Variants in UBE2O observed in about 807,000 individuals in gnomAD.
UBE2O encodes the protein (E3-independent) E2 ubiquitin-conjugating enzyme.
In UBE2O, 15 loss-of-function variants were observed where a neutral mutation model predicts 125.8. That is an observed-to-expected ratio of 0.12 (90% CI 0.08 to 0.18). The LOEUF (loss-of-function observed/expected upper bound fraction) is 0.18, where lower values mean the gene tolerates loss of function less well. UBE2O is among the 10% of genes least tolerant of loss of function. The pLI is 1.00. For missense variants in UBE2O, 1,280 were observed against 1,723.6 expected, an observed-to-expected ratio of 0.74 and a Z score of 4.56; for synonymous variants, 708 against 703.2, an observed-to-expected ratio of 1.01 and a Z score of -0.11.
chr17:76,402,532 CCCT>C lies in UBE2O; in HGVS notation c.686+67_686+69del, dbSNP rs1370317325. ...TCATCACTGTCCCCAGGAGGAAACACCCTCCTCCTCCCCTCTTTCCAAGAGGCT... is the reference window on the plus strand; with the variant it reads ...TCATCACTGTCCCCAGGAGGAAACACCCTCCTCCCCTCTTTCCAAGAGGCT... On this transcript the variant is annotated intron_variant, in intron 4 of 17. Coordinates refer to ENST00000319380, the MANE Select transcript of UBE2O (RefSeq NM_022066.4). This position sits in a 1 kb window ranked among gnomAD's most constrained non-coding sequence, Gnocchi z 5.4. 7.5e-6 allele frequency: 10 copies of C among 1,341,470 alleles called. No individual in the cohort carries two copies. Among genetic ancestry groups the C allele is most frequent in the Non-Finnish European group, 1.1e-5 (10 of 933,302 alleles). The allele number at this position is 1,341,470 out of a possible 1,614,324, so 83.1% of individuals were successfully genotyped here.
At chr17:76,403,835 A>T (rs1214066614) in intron 3 of UBE2O, among the ~76,000 whole-genome samples, 1 of 152,290 alleles carries the variant, frequency 6.6e-6, no homozygotes, top group East Asian at 1.9e-4. Context: ...AGAAAGAAAG[A>T]AAGTTCTTAA....
chr17:76,423,804 T>A (rs549412786), intron 1 of UBE2O, among the ~76,000 whole-genome samples: 4 of 151,230 alleles, frequency 2.6e-5, no homozygotes, highest in Admixed American at 2.0e-4. Flanking sequence ...AGAGGTGGCC[T>A]ACGGCACAGT....
At chr17:76,432,199 C>A (rs995000934) in intron 1 of UBE2O, among the ~76,000 whole-genome samples, 4 of 152,168 alleles carry the variant, frequency 2.6e-5, no homozygotes, top group Non-Finnish European at 5.9e-5. Context: ...GGCACACACA[C>A]CCGACACTCT....
At position 76,399,321 on chromosome 17, in the gene UBE2O, GGAGCC is replaced by G; in HGVS notation, c.1628+123_1628+127del. 1.0e-6 allele frequency: 1 copy of G among 954,384 alleles called. No homozygotes were observed. The highest frequency in any genetic ancestry group is 2.5e-5 in the Admixed American group (1 of 39,974). The allele number at this position is 954,384 out of a possible 1,614,324, so 59.1% of individuals were successfully genotyped here. A position where few individuals can be genotyped will look rare whatever the true frequency, so the allele number is the denominator to read the frequency against. On this transcript the variant is annotated intron_variant, in intron 9 of 17. Coordinates refer to ENST00000319380, the MANE Select transcript of UBE2O (RefSeq NM_022066.4). The surrounding 1 kb of genome is among the most constrained non-coding windows in gnomAD (Gnocchi z 6.9). Reference sequence around the variant, plus strand: ...CCAGGCACCTACGTTGTCTCGGGTGGGAGCCCCGGAGCCACTACAAGGCATGCAGA... The same window carrying G: ...CCAGGCACCTACGTTGTCTCGGGTGGCCGGAGCCACTACAAGGCATGCAGA...
Position 76,390,901 on chromosome 17 carries a change from T to C in UBE2O, c.*42A>G. 6.5e-7 allele frequency: 1 copy of C among 1,545,006 alleles called. No individual in the cohort carries two copies. The highest frequency in any genetic ancestry group is 8.7e-7 in the Non-Finnish European group (1 of 1,146,862). On this transcript the variant is annotated 3_prime_UTR_variant, in exon 18 of 18. Coordinates refer to ENST00000319380, the MANE Select transcript of UBE2O (RefSeq NM_022066.4). ...CGGGGGGGAGTGAGCAGGCGGCGGC[T>C]GGCCTCTCCCACGGTGATGCTCTTT... is the stretch of plus-strand genomic sequence containing the variant.
At chr17:76,430,750 G>C (rs2072892886) in intron 1 of UBE2O, 1 of 238,200 alleles carries the variant, frequency 4.2e-6, no homozygotes, top group South Asian at 4.7e-5. Context: ...CTGAAGGTCT[G>C]CTGAACTTCA....
chr17:76,389,508 C>CAAAAAAAAAAA lies in UBE2O; in HGVS notation c.*1434_*1435insTTTTTTTTTTT, dbSNP rs1361682722. The CAAAAAAAAAAA allele has an allele frequency of 2.5e-5, 1 of 40,646 alleles. No individual in the cohort carries two copies. The highest frequency in any genetic ancestry group is 4.6e-5 in the Non-Finnish European group (1 of 21,588). The allele number at this position is 40,646 out of a possible 1,614,324, so 2.5% of individuals were successfully genotyped here. On this transcript the variant is annotated 3_prime_UTR_variant, in exon 18 of 18. Coordinates refer to ENST00000319380, the MANE Select transcript of UBE2O (RefSeq NM_022066.4). The stretch of plus-strand genomic sequence containing the variant: ...TCACCTTGTCTTGCTAATGAGCCAA[C>CAAAAAAAAAAA]ACAAAAAAAAAAAAAAAAAAAAATG...
chr17:76,390,931 T>C lies in UBE2O; in HGVS notation c.*12A>G. 6.3e-7 allele frequency: 1 copy of C among 1,585,284 alleles called. No individual in the cohort carries two copies. The highest frequency in any genetic ancestry group is 1.3e-5 in the African/African-American group (1 of 74,282). ...TCTCCCACGGTGATGCTCTTTCCTC[T>C]GTGCCTGGCAGCTACTTGTCCTCTG... On this transcript the variant is annotated 3_prime_UTR_variant, in exon 18 of 18. Coordinates refer to ENST00000319380, the MANE Select transcript of UBE2O (RefSeq NM_022066.4).
chr17:76,448,999 A>C (rs1279990791), intron 1 of UBE2O, among the ~76,000 whole-genome samples: 1 of 152,258 alleles, frequency 6.6e-6, no homozygotes, highest in African/African-American at 2.4e-5. Flanking sequence ...GCTCCTTTTG[A>C]GTCCTTAAGA....
At chr17:76,430,632 C>A in intron 1 of UBE2O, 1 of 333,722 alleles carries the variant, frequency 3.0e-6, no homozygotes, top group South Asian at 2.4e-5. Context: ...CAAAGCAATT[C>A]GCTTCTTATT....
chr17:76,451,033 A>G (rs2073232264), intron 1 of UBE2O, among the ~76,000 whole-genome samples: 1 of 152,244 alleles, frequency 6.6e-6, no homozygotes, highest in South Asian at 2.1e-4. Flanking sequence ...ACCAAAGTCA[A>G]GACGGACGGG....
At chr17:76,430,654 G>A (rs761001081) in intron 1 of UBE2O, 12 of 327,140 alleles carry the variant, frequency 3.7e-5, no homozygotes, top group Non-Finnish European at 5.7e-5. Context: ...ATTTTGCCAC[G>A]GCCATGCTTG....
At chr17:76,434,774 CTTT>C (rs751998179) in intron 1 of UBE2O, among the ~76,000 whole-genome samples, 23 of 139,122 alleles carry the variant, frequency 1.7e-4, no homozygotes, top group African/African-American at 4.1e-4. Context: ...TTCACTTAAG[CTTT>C]TTTTTTTTTT....
Position 76,391,937 on chromosome 17 carries a change from G to A in UBE2O, c.3123C>T (p.Val1041=). Residue 1041 remains valine, a synonymous_variant, in exon 16 of 18, where the codon GTC becomes GTT. Transcript: ENST00000319380. This position sits in a 1 kb window ranked among gnomAD's most constrained non-coding sequence, Gnocchi z 8.4. ...TTCCAATCCAGGTGCCCAGGAGGCT[G>A]ACACACACCTTCCCATTGTCATACA... is the stretch of plus-strand genomic sequence containing the variant. The part of the protein sequence containing the change: ...PNLYDNGKVC[V]SLLGTWIGKG... 2.5e-6 allele frequency: 4 copies of A among 1,612,588 alleles called. No individual in the cohort carries two copies. The South Asian group carries it at 4.4e-5, about 18-fold the overall frequency.
intron 12 of UBE2O, 66 bp from the exon 13 acceptor site, chr17:76,397,954 G>C: frequency 3.3e-6 from 5 of 1,538,318 alleles, no homozygotes; most frequent in Middle Eastern, 1.7e-4. Context: ...CCCCTCCTGT[G>C]CTCTGCAGTG....
chr17:76,415,842 T>C (rs571838819), intron 1 of UBE2O, among the ~76,000 whole-genome samples: 3 of 150,468 alleles, frequency 2.0e-5, no homozygotes, highest in Non-Finnish European at 4.4e-5. Flanking sequence ...TACACATATA[T>C]GTATATACAA....
At chr17:76,426,863 C>T (rs1354417545) in intron 1 of UBE2O, among the ~76,000 whole-genome samples, 1 of 152,186 alleles carries the variant, frequency 6.6e-6, no homozygotes, top group Non-Finnish European at 1.5e-5. Context: ...TCTCCTTTCT[C>T]CTTACTTCCT....
chr17:76,392,630 G>A (rs1332179176), intron 15 of UBE2O, among the ~76,000 whole-genome samples: 1 of 151,876 alleles, frequency 6.6e-6, no homozygotes, highest in Non-Finnish European at 1.5e-5. Context: ...TATCTTATCA[G>A]GTGTTTTTCC....
At position 76,404,752 on chromosome 17, in the gene UBE2O, G is replaced by T. The variant is rs1294924595; in HGVS notation, c.588+454C>A. Among the ~76,000 whole-genome samples, 1 of 151,986 alleles carries T rather than the reference G, an allele frequency of 6.6e-6. No individual in the cohort carries two copies. The highest frequency in any genetic ancestry group is 2.4e-5 in the African/African-American group (1 of 41,366). ...CTATAGCTTGCTGTCAAATGTTTTG[G>T]GAAGAAAAAAGACCGGAGGGGGATC... is the stretch of plus-strand genomic sequence containing the variant. On this transcript the variant is annotated intron_variant, in intron 3 of 17. Coordinates refer to ENST00000319380, the MANE Select transcript of UBE2O (RefSeq NM_022066.4). The surrounding 1 kb of genome is among the most constrained non-coding windows in gnomAD (Gnocchi z 4.3).
Sources: gnomAD v4.1 joint callset for allele counts (sites outside exome capture counted in the v4.1 genomes callset) on GRCh38, gnomAD v4.1.1 for gene constraint, Gnocchi (gnomAD v3.1) non-coding constraint, MANE v1.5 for transcripts, NCBI Gene and HGNC (gene_info 2026-07-23, HGNC 2026-07-21) for gene names.